THSD4: variants seen among roughly 807,000 people sequenced by gnomAD.
The protein encoded by THSD4 is thrombospondin type-1 domain-containing protein 4.
In THSD4, 69 loss-of-function variants were observed where a neutral mutation model predicts 119.0. The ratio of observed to expected loss-of-function variants is 0.58; its 90% CI spans 0.48 to 0.71. The LOEUF is 0.71. Among genes scored for constraint, THSD4 ranks in the 30% least tolerant of loss-of-function variants. THSD4 has a pLI of 0.00. For synonymous variants in THSD4, 524 were observed against 540.4 expected (o/e 0.97, Z 0.42); for missense variants, 1,393 against 1,391.1 (o/e 1.00, Z -0.02).
chr15:71,101,809 G>C (rs560424046), intron 1 of THSD4, among the ~76,000 whole-genome samples: 1 of 151,954 alleles, frequency 6.6e-6, no homozygotes, highest in Admixed American at 6.6e-5. Context: ...CATCTCCCAG[G>C]CTCAAGCGAT....
At chr15:71,432,754 C>T (rs2046959082) in intron 7 of THSD4, among the ~76,000 whole-genome samples, 1 of 151,774 alleles carries the variant, frequency 6.6e-6, no homozygotes, top group African/African-American at 2.4e-5. Flanking sequence ...TTATTTTATT[C>T]TTTTTCAACT....
intron 4 of THSD4, among the ~76,000 whole-genome samples, chr15:71,221,284 A>T (rs1446560820): frequency 6.6e-6 from 1 of 152,198 alleles, no homozygotes; most frequent in Admixed American, 6.5e-5. Context: ...AATACACATA[A>T]CATAAAATTG....
chr15:71,771,947 T>C (rs1370918224), intron 17 of THSD4, among the ~76,000 whole-genome samples: 1 of 152,052 alleles, frequency 6.6e-6, no homozygotes, highest in Non-Finnish European at 1.5e-5. Flanking sequence ...ACCTCGCACA[T>C]AGATTGGGCA....
Position 71,739,709 on chromosome 15 carries a change from G to A in THSD4, c.1906+1702G>A, listed in dbSNP as rs149748437. 3.8e-3 allele frequency among the ~76,000 whole-genome samples: 574 copies of A among 152,134 alleles called. 4 individuals carry two copies. Among genetic ancestry groups the A allele is most frequent in the African/African-American group, 0.013 (528 of 41,504 alleles). On this transcript the variant is annotated intron_variant, in intron 11 of 17. Transcript: ENST00000261862. ...CCCCTGAAACAGCTCTTCTTTGAGG[G>A]GAGGTTGCTAAAGAAACAGGAAGGC...
intron 7 of THSD4, among the ~76,000 whole-genome samples, chr15:71,586,715 G>A (rs1029325001): frequency 1.1e-4 from 16 of 152,268 alleles, no homozygotes; most frequent in African/African-American, 3.4e-4. Context: ...TAACCTAATT[G>A]TGGGAGCAAA....
intron 6 of THSD4, among the ~76,000 whole-genome samples, chr15:71,343,244 A>G (rs1164050821): frequency 6.6e-6 from 1 of 152,160 alleles, no homozygotes; most frequent in African/African-American, 2.4e-5. Flanking sequence ...AGATAGATGG[A>G]TATATTAGAT....
chr15:71,337,923 C>A (rs545478476), intron 6 of THSD4, among the ~76,000 whole-genome samples: 1 of 152,180 alleles, frequency 6.6e-6, no homozygotes. Flanking sequence ...CAGCCTCAGC[C>A]GCTTCCCTGT....
chr15:71,656,012 A>G (rs534066113), intron 7 of THSD4, among the ~76,000 whole-genome samples: 2 of 152,350 alleles, frequency 1.3e-5, no homozygotes, highest in African/African-American at 2.4e-5. Flanking sequence ...TTGCAGCCCA[A>G]CATTCTTTCC....
intron 15 of THSD4, among the ~76,000 whole-genome samples, chr15:71,760,949 T>C (rs1943400023): frequency 6.6e-6 from 1 of 152,248 alleles, no homozygotes; most frequent in Admixed American, 6.5e-5. Context: ...ATTTCTTAAT[T>C]TTCAAACGTT....
chr15:71,103,047 G>A (rs2040259860), intron 1 of THSD4, among the ~76,000 whole-genome samples: 1 of 152,036 alleles, frequency 6.6e-6, no homozygotes, highest in Admixed American at 6.5e-5. Context: ...TGTCAGTTGA[G>A]ACTTTCATGG....
At chr15:71,547,402 G>A in intron 7 of THSD4, 1 of 1,550,280 alleles carries the variant, frequency 6.5e-7, no homozygotes, top group Non-Finnish European at 8.7e-7. Flanking sequence ...TTCTAACTTT[G>A]GGTAATAATG....
intron 8 of THSD4, among the ~76,000 whole-genome samples, chr15:71,681,569 G>A (rs1361628001): frequency 2.6e-5 from 4 of 151,818 alleles, no homozygotes; most frequent in Non-Finnish European, 5.9e-5. Context: ...CAGCTACTCG[G>A]GAGGCTGGGG....
rs2054015028 is a variant in THSD4 at position 71,782,620 on chromosome 15, C to T, written c.*5246C>T. 6.6e-6 allele frequency: 1 copy of T among 152,194 alleles called. No homozygotes were observed. Among genetic ancestry groups the T allele is most frequent in the African/African-American group, 2.4e-5 (1 of 41,438 alleles). 9.4% of individuals were successfully genotyped at this position (152,194 alleles called of 1,614,324 possible). ...GCATGTGATCATACTAACCCAGCCT[C>T]CTGGAATGTCGCTGTACGATGATTG... On this transcript the variant is annotated 3_prime_UTR_variant, in exon 18 of 18. Transcript: ENST00000261862.
intron 17 of THSD4, among the ~76,000 whole-genome samples, chr15:71,776,994 G>A (rs1431206713): frequency 6.6e-6 from 1 of 152,118 alleles, no homozygotes; most frequent in African/African-American, 2.4e-5. Context: ...GGATGAAGGA[G>A]GAAGTGATCA....
intron 7 of THSD4, among the ~76,000 whole-genome samples, chr15:71,414,284 A>G (rs1281784037): frequency 1.3e-5 from 2 of 152,236 alleles, no homozygotes; most frequent in African/African-American, 4.8e-5. Context: ...ATACCTACAT[A>G]TATACCATTG....
intron 7 of THSD4, among the ~76,000 whole-genome samples, chr15:71,486,723 C>T (rs778559406): frequency 2.9e-4 from 44 of 151,454 alleles, no homozygotes; most frequent in Non-Finnish European, 5.6e-4. Flanking sequence ...CTGCAGCTCC[C>T]GGGTGTGAAT....
intron 7 of THSD4, among the ~76,000 whole-genome samples, chr15:71,548,893 C>A (rs1422806397): frequency 6.6e-6 from 1 of 152,226 alleles, no homozygotes; most frequent in Non-Finnish European, 1.5e-5. Context: ...GACCCCCGAA[C>A]TGAGCAAATC....
At chr15:71,595,134 GGGATT>G (rs769450951) in intron 7 of THSD4, among the ~76,000 whole-genome samples, 2 of 152,180 alleles carry the variant, frequency 1.3e-5, no homozygotes, top group Non-Finnish European at 2.9e-5. Context: ...TAATCAGATT[GGGATT>G]GGAAGCTCTC....
intron 3 of THSD4, among the ~76,000 whole-genome samples, chr15:71,208,859 AC>A (rs1253202951): frequency 6.6e-6 from 1 of 152,122 alleles, no homozygotes; most frequent in African/African-American, 2.4e-5. Flanking sequence ...GCCCATCATG[AC>A]TATTTAGAGA....
Sources: allele counts gnomAD v4.1 joint callset (sites outside exome capture counted in the v4.1 genomes callset), GRCh38; gene constraint gnomAD v4.1.1; transcripts MANE v1.5; gene names NCBI Gene and HGNC (gene_info 2026-07-23, HGNC 2026-07-21).